NR2F1-AS1: variants seen among roughly 807,000 people sequenced by gnomAD.
NR2F1-AS1 encodes the protein NR2F1 antisense RNA 1.
intron 4 of NR2F1-AS1, among the ~76,000 whole-genome samples, chr5:93,471,900 A>G (rs1750373203): frequency 6.6e-6 from 1 of 151,924 alleles, no homozygotes; most frequent in African/African-American, 2.4e-5. Context: ...TTTAACCAAT[A>G]GCTGCGTATC....
chr5:93,495,494 T>C (rs535707953), intron 4 of NR2F1-AS1, among the ~76,000 whole-genome samples: 2 of 152,148 alleles, frequency 1.3e-5, no homozygotes, highest in African/African-American at 4.8e-5. Context: ...GCCATAAAAG[T>C]GTGCAGTTTC....
chr5:93,546,280 T>C (rs892407281), intron 4 of NR2F1-AS1, among the ~76,000 whole-genome samples: 1 of 152,232 alleles, frequency 6.6e-6, no homozygotes, highest in South Asian at 2.1e-4. Flanking sequence ...TACTTATAGA[T>C]TAAATAAAGG....
At chr5:93,467,217 T>G (rs1250016203) in intron 4 of NR2F1-AS1, among the ~76,000 whole-genome samples, 2 of 152,118 alleles carry the variant, frequency 1.3e-5, no homozygotes, top group Non-Finnish European at 2.9e-5. Context: ...CCAAAGTAAT[T>G]TATAAATTCA....
chr5:93,583,271 G>GTCTCTCTC (rs140194624), upstream of NR2F1-AS1: 7 of 145,098 alleles, frequency 4.8e-5, no homozygotes, highest in Admixed American at 1.4e-4. Context: ...CAATTTTTGG[G>GTCTCTCTC]TCTCTCTCTC....
chr5:93,499,724 G>T (rs1297089540), intron 4 of NR2F1-AS1, among the ~76,000 whole-genome samples: 1 of 152,148 alleles, frequency 6.6e-6, no homozygotes, highest in Non-Finnish European at 1.5e-5. Context: ...CAGGACAAAA[G>T]CTAGGCCTCT....
intron 4 of NR2F1-AS1, among the ~76,000 whole-genome samples, chr5:93,516,373 A>G (rs149104359): frequency 3.8e-4 from 57 of 151,948 alleles, no homozygotes; most frequent in African/African-American, 1.3e-3. Context: ...CCTTTCTAAT[A>G]AAGAGTATGG....
chr5:93,565,291 C>A (rs1752592910), intron 1 of NR2F1-AS1, among the ~76,000 whole-genome samples: 1 of 152,074 alleles, frequency 6.6e-6, no homozygotes, highest in Non-Finnish European at 1.5e-5. Flanking sequence ...ACCATAGAGG[C>A]CTACCCCCAA....
At chr5:93,478,289 C>T (rs1750528743) in intron 4 of NR2F1-AS1, among the ~76,000 whole-genome samples, 1 of 152,232 alleles carries the variant, frequency 6.6e-6, no homozygotes, top group Non-Finnish European at 1.5e-5. Context: ...CAATGCTAAT[C>T]TCAGGATGGC....
chr5:93,545,953 C>A (rs1752074683), intron 4 of NR2F1-AS1, among the ~76,000 whole-genome samples: 1 of 152,144 alleles, frequency 6.6e-6, no homozygotes, highest in East Asian at 1.9e-4. Context: ...GATCCAGGAG[C>A]CTTGCTAAGA....
intron 4 of NR2F1-AS1, among the ~76,000 whole-genome samples, chr5:93,464,146 G>A (rs1467325826): frequency 6.6e-6 from 1 of 152,110 alleles, no homozygotes; most frequent in East Asian, 1.9e-4. Context: ...ACCTGGTAGG[G>A]GGTGATTGAA....
chr5:93,573,673 GA>G (rs1554073289), intron 1 of NR2F1-AS1, among the ~76,000 whole-genome samples: 1 of 152,230 alleles, frequency 6.6e-6, no homozygotes, highest in Non-Finnish European at 1.5e-5. Flanking sequence ...CGCGACTAAA[GA>G]GGGGACTGGT....
At chr5:93,415,860 C>CT (rs1302996323) in intron 4 of NR2F1-AS1, among the ~76,000 whole-genome samples, 1 of 152,180 alleles carries the variant, frequency 6.6e-6, no homozygotes, top group Non-Finnish European at 1.5e-5. Flanking sequence ...AAGATGGGCA[C>CT]TTTTTTTGCT....
chr5:93,496,636 G>A (rs572869439), intron 4 of NR2F1-AS1, among the ~76,000 whole-genome samples: 1 of 152,156 alleles, frequency 6.6e-6, no homozygotes, highest in East Asian at 1.9e-4. Flanking sequence ...AAATACAGGT[G>A]TTTCCAATGT....
intron 4 of NR2F1-AS1, among the ~76,000 whole-genome samples, chr5:93,452,077 G>A (rs1749842932): frequency 6.6e-6 from 1 of 151,986 alleles, no homozygotes; most frequent in African/African-American, 2.4e-5. Context: ...ACTGAGAACA[G>A]TCTCTATTAA....
chr5:93,523,729 C>G (rs1751553404), intron 4 of NR2F1-AS1, among the ~76,000 whole-genome samples: 1 of 152,144 alleles, frequency 6.6e-6, no homozygotes, highest in African/African-American at 2.4e-5. Context: ...GAATAGACAT[C>G]CAGCAAACTC....
intron 4 of NR2F1-AS1, among the ~76,000 whole-genome samples, chr5:93,481,454 G>T (rs544327924): frequency 1.3e-5 from 2 of 152,094 alleles, no homozygotes; most frequent in South Asian, 4.1e-4. Flanking sequence ...GGAAACTCTA[G>T]AATAATAGTT....
chr5:93,487,968 G>A (rs906721400), intron 4 of NR2F1-AS1, among the ~76,000 whole-genome samples: 1 of 152,050 alleles, frequency 6.6e-6, no homozygotes, highest in African/African-American at 2.4e-5. Context: ...CTTTGACAAG[G>A]TTGACAAAAA....
intron 4 of NR2F1-AS1, among the ~76,000 whole-genome samples, chr5:93,535,146 T>G (rs1022174331): frequency 1.3e-4 from 19 of 145,540 alleles, no homozygotes; most frequent in African/African-American, 4.7e-4. Flanking sequence ...AATGAGAGAC[T>G]CAGACAAAAA....
intron 4 of NR2F1-AS1, chr5:93,542,482 C>T (rs1379083934): frequency 6.6e-6 from 1 of 152,110 alleles, no homozygotes; most frequent in Non-Finnish European, 1.5e-5. Flanking sequence ...CCAGTTCTAA[C>T]AACTAAAACA....
Sources: gnomAD v4.1 joint callset for allele counts (sites outside exome capture counted in the v4.1 genomes callset) on GRCh38, gnomAD v4.1.1 for gene constraint, MANE v1.5 for transcripts, NCBI Gene and HGNC (gene_info 2026-07-23, HGNC 2026-07-21) for gene names.